Variants in NCKAP5 observed in about 807,000 individuals in gnomAD.
NCKAP5 encodes the protein NCK associated protein 5, also known as nck-associated protein 5.
Under a neutral mutation model 167.0 loss-of-function variants are expected in NCKAP5, and 92 were observed. The observed-to-expected ratio is 0.55, with a 90% CI of 0.47 to 0.66. NCKAP5 has a LOEUF of 0.66. Ranked by LOEUF, NCKAP5 falls within the 30% of genes least tolerant of loss-of-function variation. The pLI, the probability that NCKAP5 is intolerant of heterozygous loss-of-function variation, is 0.00. For missense variants in NCKAP5, 2,378 were observed against 2,315.0 expected, an observed-to-expected ratio of 1.03 and a Z score of -0.56; for synonymous variants, 891 against 877.4, an observed-to-expected ratio of 1.02 and a Z score of -0.27.
At chr2:133,540,585 TA>T in intron 2 of NCKAP5, among the ~76,000 whole-genome samples, 1 of 152,326 alleles carries the variant, frequency 6.6e-6, no homozygotes, top group South Asian at 2.1e-4. Context: ...GAGATTGCAG[TA>T]AGCAAAGACA....
At chr2:132,725,069 T>C (rs1225709958) in intron 19 of NCKAP5, among the ~76,000 whole-genome samples, 1 of 152,250 alleles carries the variant, frequency 6.6e-6, no homozygotes, top group Non-Finnish European at 1.5e-5. Flanking sequence ...GTTAGGGATT[T>C]GTCTGTTCTC....
chr2:133,628,056 G>GT, the NCKAP5 span, among the ~76,000 whole-genome samples: 205 of 152,298 alleles, frequency 1.3e-3, 1 homozygote, highest in African/African-American at 4.8e-3. Flanking sequence ...GGCAAAAGCT[G>GT]TAAGTATTCC....
At chr2:133,648,557 C>A in the NCKAP5 span, among the ~76,000 whole-genome samples, 5 of 152,114 alleles carry the variant, frequency 3.3e-5, no homozygotes, top group South Asian at 1.0e-3. Flanking sequence ...TACCAAATAT[C>A]TTTTCTGACC....
chr2:133,286,364 G>C (rs1247969676), intron 4 of NCKAP5, among the ~76,000 whole-genome samples: 1 of 152,066 alleles, frequency 6.6e-6, no homozygotes, highest in Non-Finnish European at 1.5e-5. Flanking sequence ...AACAGAACAA[G>C]GCAATTAAAA....
At chr2:132,893,668 G>A (rs1692905867) in intron 8 of NCKAP5, among the ~76,000 whole-genome samples, 1 of 152,110 alleles carries the variant, frequency 6.6e-6, no homozygotes, top group African/African-American at 2.4e-5. Context: ...CAAAAAGCAA[G>A]CAAATTATTA....
In NCKAP5 at chr2:133,152,572, G is replaced by A. The variant is rs143405288; in HGVS notation, c.208-22461C>T. 1.6e-4 allele frequency among the ~76,000 whole-genome samples: 24 copies of A among 152,198 alleles called. No homozygotes were observed. The East Asian group carries it at 3.7e-3, about 23-fold the overall frequency. On this transcript the variant is annotated intron_variant, in intron 5 of 19. Transcript: ENST00000409261. ...CATTCAGATGAATGAATAAACAGGC[G>A]TGATACATCCTGCAATGAAATATTA...
chr2:133,469,065 G>C (rs1692832861), intron 3 of NCKAP5, among the ~76,000 whole-genome samples: 1 of 151,274 alleles, frequency 6.6e-6, no homozygotes, highest in Non-Finnish European at 1.5e-5. Context: ...GATGTTAGCT[G>C]GTGATTTTGC....
In NCKAP5 at chr2:132,688,409, C is replaced by A. The variant is rs146635063; in HGVS notation, c.5714-15104G>T. Among the ~76,000 whole-genome samples, 979 of 152,074 alleles carry A rather than the reference C, an allele frequency of 6.4e-3. 11 individuals are homozygous for A. Among genetic ancestry groups the A allele is most frequent in the Middle Eastern group, 0.01 (3 of 292 alleles). On this transcript the variant is annotated intron_variant, in intron 19 of 19. Coordinates refer to ENST00000409261, the MANE Select transcript of NCKAP5 (RefSeq NM_207363.3). ...TTATTCCACTGAAGACAAAAACACA[C>A]AAAAAAATCAAAAGATTTTATTTTC...
intron 4 of NCKAP5, among the ~76,000 whole-genome samples, chr2:133,289,726 C>A (rs76980131): frequency 0.11 from 11,375 of 102,370 alleles, 538 homozygotes; most frequent in Non-Finnish European, 0.16. Context: ...AACAAACAAA[C>A]AAAAAAAAAC....
rs568135570 is a variant in NCKAP5, at chr2:133,388,504, A to C, written c.70-85394T>G. Among the ~76,000 whole-genome samples the C allele has an allele frequency of 7.9e-5, 12 of 152,322 alleles. No homozygotes were observed. In the South Asian group the frequency reaches 1.5e-3, roughly 18 times the overall value. The stretch of plus-strand genomic sequence containing the variant: ...CGGGGGTCAGGGACCCACTTGAGGC[A>C]GTCTGTCCGTTCTCAGATCTCAACC... On this transcript the variant is annotated intron_variant, in intron 3 of 19. Coordinates refer to ENST00000409261, the MANE Select transcript of NCKAP5 (RefSeq NM_207363.3).
chr2:133,213,834 T>A (rs1303147707), intron 4 of NCKAP5, 55 bp from the exon 5 acceptor site: 1 of 1,558,326 alleles, frequency 6.4e-7, no homozygotes, highest in Non-Finnish European at 8.8e-7. Context: ...GAGGTGACAC[T>A]GGCATGGCCG....
chr2:133,282,764 C>T (rs1049773987), intron 4 of NCKAP5, among the ~76,000 whole-genome samples: 1 of 152,156 alleles, frequency 6.6e-6, no homozygotes, highest in Non-Finnish European at 1.5e-5. Flanking sequence ...AGAGCTACGG[C>T]TACAAAGAAG....
intron 3 of NCKAP5, among the ~76,000 whole-genome samples, chr2:133,374,656 G>A (rs1447770750): frequency 2.0e-5 from 3 of 151,880 alleles, no homozygotes; most frequent in African/African-American, 7.3e-5. Context: ...GGAGAAGTGC[G>A]TGTGTAGGGC....
At chr2:133,068,325 T>C (rs182221680) in intron 6 of NCKAP5, among the ~76,000 whole-genome samples, 1 of 152,276 alleles carries the variant, frequency 6.6e-6, no homozygotes, top group Admixed American at 6.5e-5. Flanking sequence ...TCAGAGCAAG[T>C]CTCAGAAATG....
chr2:133,418,569 G>C (rs570925898), intron 3 of NCKAP5, among the ~76,000 whole-genome samples: 186 of 152,290 alleles, frequency 1.2e-3, no homozygotes, highest in Admixed American at 2.2e-3. Context: ...GAGGATTCAA[G>C]AACAGAGTTC....
intron 5 of NCKAP5, among the ~76,000 whole-genome samples, chr2:133,144,841 C>T (rs2083129789): frequency 6.6e-6 from 1 of 152,154 alleles, no homozygotes; most frequent in African/African-American, 2.4e-5. Flanking sequence ...AGCAGAGGCT[C>T]TGCAGTCACT....
rs5834351 is a variant in NCKAP5 at position 133,284,160 on chromosome 2, CAT to C, written c.143+18875_143+18876del. 1.1e-4 allele frequency among the ~76,000 whole-genome samples: 16 copies of C among 149,868 alleles called. 1 individual carries two copies. Among genetic ancestry groups the C allele is most frequent in the Admixed American group, 3.3e-4 (5 of 15,024 alleles). On this transcript the variant is annotated intron_variant, in intron 4 of 19. Coordinates refer to ENST00000409261, the MANE Select transcript of NCKAP5 (RefSeq NM_207363.3). ...GGTGAATGATGCCTATAAGATTGTG[CAT>C]ATATATATATATGATTGTATATAAT...
chr2:133,319,046 GC>G (rs1283320128), intron 3 of NCKAP5, among the ~76,000 whole-genome samples: 1 of 152,026 alleles, frequency 6.6e-6, no homozygotes, highest in African/African-American at 2.4e-5. Flanking sequence ...GGTTTTAGGA[GC>G]CCTCCAGGTG....
chr2:132,828,854 CT>C (rs1424120162), intron 11 of NCKAP5, among the ~76,000 whole-genome samples: 1 of 152,144 alleles, frequency 6.6e-6, no homozygotes, highest in Non-Finnish European at 1.5e-5. Context: ...CTCAGGAGTC[CT>C]GCCCTAGATG....
Sources: gnomAD v4.1 joint callset for allele counts (sites outside exome capture counted in the v4.1 genomes callset) on GRCh38, gnomAD v4.1.1 for gene constraint, MANE v1.5 for transcripts, NCBI Gene and HGNC (gene_info 2026-07-23, HGNC 2026-07-21) for gene names.